SLC7A8: variants seen among roughly 807,000 people sequenced by gnomAD.
SLC7A8 encodes large neutral amino acids transporter small subunit 2.
SLC7A8 carries 30 observed loss-of-function variants against 51.2 expected under a neutral mutation model. The observed-to-expected ratio is 0.59, with a 90% CI of 0.44 to 0.80. SLC7A8 has a LOEUF of 0.80. SLC7A8 is among the 30% of genes least tolerant of loss of function. SLC7A8 has a pLI of 0.00. For synonymous variants in SLC7A8, 257 were observed against 275.8 expected (o/e 0.93, Z 0.67); for missense variants, 612 against 674.4 (o/e 0.91, Z 1.03).
At position 23,127,035 on chromosome 14, in the gene SLC7A8, C is replaced by T. The variant is rs937637435; in HGVS notation, c.*142G>A. The T allele has an allele frequency of 1.0e-6, 1 of 974,604 alleles. No individual in the cohort carries two copies. The highest frequency in any genetic ancestry group is 1.5e-6 in the Non-Finnish European group (1 of 678,394). The allele number at this position is 974,604 out of a possible 1,614,324, so 60.4% of individuals were successfully genotyped here. ...ATGTCAGTTTTTGTTTACAATTTCT[C>T]ACCACCCACACCAAAGTCCTACCAC... On this transcript the variant is annotated 3_prime_UTR_variant, in exon 11 of 11. Transcript: ENST00000316902.
intron 7 of SLC7A8, among the ~76,000 whole-genome samples, chr14:23,133,068 G>A (rs982318979): frequency 4.6e-5 from 7 of 152,092 alleles, no homozygotes; most frequent in African/African-American, 1.2e-4. Flanking sequence ...GAGCCACCAC[G>A]CCCAGCCTGC....
chr14:23,139,650 T>C, intron 5 of SLC7A8, 103 bp from the exon 6 acceptor site: 10 of 1,365,440 alleles, frequency 7.3e-6, no homozygotes, highest in Non-Finnish European at 9.8e-6. Context: ...CGTGTAGCCT[T>C]ACAGCCTTCT....
At chr14:23,136,223 G>C (rs115074312) in intron 7 of SLC7A8, among the ~76,000 whole-genome samples, 2,084 of 152,220 alleles carry the variant, frequency 0.014, 39 homozygotes, top group African/African-American at 0.044. Flanking sequence ...TCCCTAGGCC[G>C]GTGTCACTAG....
intron 7 of SLC7A8, among the ~76,000 whole-genome samples, chr14:23,132,783 G>C (rs1193987390): frequency 6.6e-6 from 1 of 152,030 alleles, no homozygotes; most frequent in South Asian, 2.1e-4. Flanking sequence ...TTACAGGCAT[G>C]CGCCACCACA....
At position 23,183,197 on chromosome 14, in the gene SLC7A8, T is replaced by TGTGCC. The variant is rs1877266266; in HGVS notation, c.-288_-284dup. The stretch of plus-strand genomic sequence containing the variant: ...ATACATTTAAATATAAAAATAGAAC[T>TGTGCC]GTGCCAGCGACTCCGGCTGGAATTC... On this transcript the variant is annotated 5_prime_UTR_variant, in exon 1 of 11. Coordinates refer to ENST00000316902, the MANE Select transcript of SLC7A8 (RefSeq NM_012244.4). The TGTGCC allele has an allele frequency of 3.1e-6, 1 of 323,178 alleles. No homozygotes were observed. The highest frequency in any genetic ancestry group is 7.2e-5 in the East Asian group (1 of 13,842). The allele number at this position is 323,178 out of a possible 1,614,324, so 20.0% of individuals were successfully genotyped here.
chr14:23,151,797 G>C (rs115642907), intron 3 of SLC7A8, among the ~76,000 whole-genome samples: 3,351 of 150,022 alleles, frequency 0.022, 128 homozygotes, highest in African/African-American at 0.077. Context: ...GGCACAGTGG[G>C]TCATACCTGT....
chr14:23,137,655 GCT>G (rs1305878113), intron 7 of SLC7A8, among the ~76,000 whole-genome samples: 7 of 152,186 alleles, frequency 4.6e-5, no homozygotes, highest in Admixed American at 2.6e-4. Flanking sequence ...TCTGTCTTCT[GCT>G]CCTTTTGAAA....
At chr14:23,182,643 A>C (rs1877231078) in intron 1 of SLC7A8, 121 bp downstream of exon 1, 2 of 1,123,616 alleles carry the variant, frequency 1.8e-6, no homozygotes, top group South Asian at 3.8e-5. Context: ...GTTACAGCTC[A>C]GGTGACTGAC....
rs57814296 is a variant in SLC7A8 at position 23,161,925 on chromosome 14, T to TCAAAAAAA, written c.508+3359_508+3360insTTTTTTTG. 2.1e-4 allele frequency among the ~76,000 whole-genome samples: 22 copies of TCAAAAAAA among 107,176 alleles called. 11 individuals carry two copies. Among genetic ancestry groups the TCAAAAAAA allele is most frequent in the Non-Finnish European group, 1.8e-4 (10 of 54,506 alleles). 70.3% of individuals were successfully genotyped at this position (107,176 alleles called of 152,430 possible). A position where few individuals can be genotyped will look rare whatever the true frequency, so the allele number is the denominator to read the frequency against. On this transcript the variant is annotated intron_variant, in intron 3 of 10. Coordinates refer to ENST00000316902, the MANE Select transcript of SLC7A8 (RefSeq NM_012244.4). Reference sequence around the variant, plus strand: ...CTGGGTGACAGAGTGAGACTCCATCTAAAAAAAAAAAAAAAAAAAGCATCT... The same window carrying TCAAAAAAA: ...CTGGGTGACAGAGTGAGACTCCATCTCAAAAAAAAAAAAAAAAAAAAAAAAAAGCATCT...
At chr14:23,141,818 C>G (rs960083028) in intron 4 of SLC7A8, among the ~76,000 whole-genome samples, 1 of 152,198 alleles carries the variant, frequency 6.6e-6, no homozygotes, top group Admixed American at 6.5e-5. Context: ...AAACTGCCTT[C>G]CCAGCCCCCC....
In SLC7A8 at chr14:23,140,555, G is replaced by A. The variant is rs1409842726; in HGVS notation, c.704C>T (p.Ala235Val). 1 of 1,614,182 alleles carries A rather than the reference G, an allele frequency of 6.2e-7. No individual in the cohort carries two copies. The highest frequency in any genetic ancestry group is 2.2e-5 in the East Asian group (1 of 44,890). Reference sequence around the variant, plus strand: ...AAAGGAGCCCTGAAGGAAAGCCAGTGCGACGAGGCCGATGTCAGGTTCCTG... The same window carrying A: ...AAAGGAGCCCTGAAGGAAAGCCAGTACGACGAGGCCGATGTCAGGTTCCTG... Reference protein sequence around the residue: ...NFQEPDIGLVALAFLQGSFAY... With the variant: ...NFQEPDIGLVVLAFLQGSFAY... The change falls in exon 5 of 11, where the codon GCA becomes GTA. Residue 235 changes from alanine (A) to valine (V), a missense_variant. Transcript: ENST00000316902.
intron 1 of SLC7A8, among the ~76,000 whole-genome samples, chr14:23,168,419 T>A (rs10138496): frequency 0.025 from 3,858 of 152,246 alleles, 195 homozygotes; most frequent in African/African-American, 0.089. Flanking sequence ...AAATGAGAGA[T>A]CTAGAGACAG....
chr14:23,170,238 C>G (rs1184591799), intron 1 of SLC7A8, among the ~76,000 whole-genome samples: 1 of 152,198 alleles, frequency 6.6e-6, no homozygotes, highest in Admixed American at 6.5e-5. Flanking sequence ...AAGCTAAGTC[C>G]TTGGACTCCT....
chr14:23,181,452 T>TG (rs35513137), intron 1 of SLC7A8, among the ~76,000 whole-genome samples: 1,091 of 66,850 alleles, frequency 0.016, 11 homozygotes, highest in South Asian at 0.038. Flanking sequence ...TTGGTGGGGG[T>TG]GGGGGGGGGA....
At chr14:23,141,369 C>T (rs558150236) in intron 4 of SLC7A8, among the ~76,000 whole-genome samples, 2 of 152,364 alleles carry the variant, frequency 1.3e-5, no homozygotes, top group South Asian at 4.1e-4. Context: ...TTCCATAATG[C>T]TATATTAGTT....
At chr14:23,155,048 C>T in intron 3 of SLC7A8, 1 of 775,498 alleles carries the variant, frequency 1.3e-6, no homozygotes, top group South Asian at 2.2e-5. Flanking sequence ...ATAAACTGCG[C>T]TTTGATCCCA....
chr14:23,179,311 G>T (rs1877057987), intron 1 of SLC7A8, among the ~76,000 whole-genome samples: 1 of 152,082 alleles, frequency 6.6e-6, no homozygotes, highest in African/African-American at 2.4e-5. Flanking sequence ...AGGATATAAG[G>T]AACTCTCTGG....
In SLC7A8 at chr14:23,127,309, C is replaced by T; in HGVS notation, c.1476G>A (p.Val492=). The stretch of plus-strand genomic sequence containing the variant: ...CCCGCTCCACCTCGGGGTACACGAC[C>T]ACACACATCTTCTGGCTCACCAGGG... The part of the protein sequence containing the change: ...LLTLVSQKMC[V]VVYPEVERGS... The change falls in exon 11 of 11, where the codon GTG becomes GTA. Residue 492 remains valine (V), a synonymous_variant. Coordinates refer to ENST00000316902, the MANE Select transcript of SLC7A8 (RefSeq NM_012244.4). 1.2e-6 allele frequency: 2 copies of T among 1,614,096 alleles called. No homozygotes were observed. Among genetic ancestry groups the T allele is most frequent in the South Asian group, 2.2e-5 (2 of 91,086 alleles).
chr14:23,135,140 TGCAG>T (rs2048677048), intron 7 of SLC7A8, among the ~76,000 whole-genome samples: 1 of 152,026 alleles, frequency 6.6e-6, no homozygotes, highest in Non-Finnish European at 1.5e-5. Context: ...CAGGCTGGAG[TGCAG>T]TGTCACGATC....
Sources: allele counts gnomAD v4.1 joint callset (sites outside exome capture counted in the v4.1 genomes callset), GRCh38; gene constraint gnomAD v4.1.1; transcripts MANE v1.5; gene names NCBI Gene and HGNC (gene_info 2026-07-23, HGNC 2026-07-21).